CCNY: variants seen among roughly 807,000 people sequenced by gnomAD.
CCNY encodes the protein cyclin Y.
Under a neutral mutation model 42.8 loss-of-function variants are expected in CCNY, and 19 were observed. The observed-to-expected ratio is 0.44, with a 90% CI of 0.31 to 0.65. The LOEUF is 0.65. Among genes scored for constraint, CCNY ranks in the 30% least tolerant of loss-of-function variants. CCNY has a pLI of 0.07. For synonymous variants in CCNY, 165 were observed against 162.7 expected (o/e 1.01, Z -0.11); for missense variants, 370 against 437.3 (o/e 0.85, Z 1.37).
At chr10:35,479,626 GA>G (rs1589148617) in intron 1 of CCNY, among the ~76,000 whole-genome samples, 1 of 127,934 alleles carries the variant, frequency 7.8e-6, no homozygotes, top group Admixed American at 8.1e-5. Flanking sequence ...GGAGGGGGGG[GA>G]GGGATAGCAT....
intron 1 of CCNY, among the ~76,000 whole-genome samples, chr10:35,360,734 C>T (rs903079932): frequency 2.6e-5 from 4 of 151,962 alleles, no homozygotes; most frequent in African/African-American, 9.7e-5. Context: ...TTAATATGAA[C>T]ATTAATACTC....
At chr10:35,390,052 G>GCT (rs1227315027) in intron 1 of CCNY, among the ~76,000 whole-genome samples, 2 of 152,180 alleles carry the variant, frequency 1.3e-5, no homozygotes, top group Non-Finnish European at 2.9e-5. Flanking sequence ...GCATTCATTG[G>GCT]CTCGCTTTTA....
Position 35,571,150 on chromosome 10 carries a change from CCAGTG to C in CCNY, c.*1981_*1985del, listed in dbSNP as rs1564463481. On this transcript the variant is annotated 3_prime_UTR_variant, in exon 10 of 10. Coordinates refer to ENST00000374704, the MANE Select transcript of CCNY (RefSeq NM_145012.6). ...CTCTTAAACATAAATTAGTTCCTCTCCAGTGAAGTATCTTATTTTACCAATCCATT... is the reference window on the plus strand; with the variant it reads ...CTCTTAAACATAAATTAGTTCCTCTCAAGTATCTTATTTTACCAATCCATT... The C allele has an allele frequency of 6.6e-6, 1 of 152,124 alleles. No individual in the cohort carries two copies. The highest frequency in any genetic ancestry group is 1.5e-5 in the Non-Finnish European group (1 of 68,008). The allele number at this position is 152,124 out of a possible 1,614,324, so 9.4% of individuals were successfully genotyped here. A position where few individuals can be genotyped will look rare whatever the true frequency, so the allele number is the denominator to read the frequency against.
chr10:35,415,378 A>G (rs1420048524), intron 1 of CCNY, among the ~76,000 whole-genome samples: 1 of 151,934 alleles, frequency 6.6e-6, no homozygotes, highest in East Asian at 1.9e-4. Flanking sequence ...CCTAGCCTTG[A>G]GGGTAGAAGG....
At chr10:35,460,901 G>A (rs1839144209) in intron 1 of CCNY, among the ~76,000 whole-genome samples, 2 of 152,202 alleles carry the variant, frequency 1.3e-5, no homozygotes, top group South Asian at 4.1e-4. Flanking sequence ...AAGATGAACA[G>A]GATACAGTAT....
intron 1 of CCNY, among the ~76,000 whole-genome samples, chr10:35,442,466 G>C (rs948065443): frequency 6.6e-6 from 1 of 152,184 alleles, no homozygotes; most frequent in African/African-American, 2.4e-5. Context: ...CATACAAATT[G>C]CCTGGATAGG....
At chr10:35,511,941 T>C (rs1425895685) in intron 3 of CCNY, among the ~76,000 whole-genome samples, 1 of 152,198 alleles carries the variant, frequency 6.6e-6, no homozygotes, top group Non-Finnish European at 1.5e-5. Context: ...ATTTGCTTTG[T>C]ATTAAGGTGA....
At chr10:35,439,187 C>T (rs1838608151) in intron 1 of CCNY, among the ~76,000 whole-genome samples, 1 of 152,194 alleles carries the variant, frequency 6.6e-6, no homozygotes, top group Non-Finnish European at 1.5e-5. Context: ...TCTTCATATA[C>T]TTTCCAAGCC....
At chr10:35,510,737 G>A (rs1298516567) in intron 3 of CCNY, among the ~76,000 whole-genome samples, 1 of 152,316 alleles carries the variant, frequency 6.6e-6, no homozygotes, top group East Asian at 1.9e-4. Flanking sequence ...TGAAGACATT[G>A]AAGCTTGGGG....
intron 3 of CCNY, among the ~76,000 whole-genome samples, chr10:35,304,410 CG>C (rs1835581713): frequency 9.6e-6 from 1 of 104,330 alleles, no homozygotes; most frequent in Non-Finnish European, 1.9e-5. Flanking sequence ...CCCGGGTTCA[CG>C]CCATTCTCCT....
chr10:35,455,822 TTTTAA>T (rs1239560659), intron 1 of CCNY, among the ~76,000 whole-genome samples: 24 of 135,370 alleles, frequency 1.8e-4, no homozygotes, highest in African/African-American at 5.0e-4. Context: ...TTTTTTTTTT[TTTTAA>T]AAAAAGAAAA....
chr10:35,471,030 C>T (rs527752545), intron 1 of CCNY, among the ~76,000 whole-genome samples: 31 of 152,242 alleles, frequency 2.0e-4, no homozygotes, highest in African/African-American at 5.5e-4. Flanking sequence ...GTGATGTCTT[C>T]GGAGGGTAAC....
intron 1 of CCNY, among the ~76,000 whole-genome samples, chr10:35,416,948 C>G (rs1438014947): frequency 6.6e-6 from 1 of 152,210 alleles, no homozygotes; most frequent in Non-Finnish European, 1.5e-5. Flanking sequence ...GTCATTAATA[C>G]TAGCCTTCAT....
At chr10:35,334,387 C>A (rs923146201), upstream of CCNY, among the ~76,000 whole-genome samples, 9 of 152,186 alleles carry the variant, frequency 5.9e-5, no homozygotes, top group African/African-American at 2.2e-4. Flanking sequence ...AAGCAGCAAT[C>A]AGAACAGACA....
chr10:35,263,314 G>A (rs1341962445), intron 3 of CCNY, among the ~76,000 whole-genome samples: 4 of 133,336 alleles, frequency 3.0e-5, no homozygotes, highest in East Asian at 4.5e-4. Context: ...CCGAGATCGC[G>A]CCACTGCACT....
intron 1 of CCNY, among the ~76,000 whole-genome samples, chr10:35,482,601 G>A (rs1252216118): frequency 1.3e-5 from 2 of 152,146 alleles, no homozygotes; most frequent in African/African-American, 4.8e-5. Flanking sequence ...AGAGAGGGGT[G>A]GTCACTGGGG....
intron 3 of CCNY, among the ~76,000 whole-genome samples, chr10:35,305,251 T>C (rs1835593236): frequency 6.6e-6 from 1 of 152,192 alleles, no homozygotes; most frequent in Admixed American, 6.5e-5. Flanking sequence ...TTCGGTTTAT[T>C]GTACAAGAGA....
chr10:35,419,118 A>G (rs1042299259), intron 1 of CCNY, among the ~76,000 whole-genome samples: 1 of 152,204 alleles, frequency 6.6e-6, no homozygotes, highest in Non-Finnish European at 1.5e-5. Context: ...CGGGTGGGAT[A>G]TAATAGTATT....
intron 2 of CCNY, among the ~76,000 whole-genome samples, chr10:35,490,368 TGA>T (rs1839871877): frequency 6.6e-6 from 1 of 152,240 alleles, no homozygotes; most frequent in Non-Finnish European, 1.5e-5. Flanking sequence ...TTACCTTCTG[TGA>T]GAAAAAGTCT....
Sources: gnomAD v4.1 joint callset for allele counts (sites outside exome capture counted in the v4.1 genomes callset) on GRCh38, gnomAD v4.1.1 for gene constraint, MANE v1.5 for transcripts, NCBI Gene and HGNC (gene_info 2026-07-23, HGNC 2026-07-21) for gene names.